DOCK3: variants seen among roughly 807,000 people sequenced by gnomAD.
DOCK3 encodes dedicator of cytokinesis 3.
A neutral mutation model predicts 265.6 loss-of-function variants in DOCK3; 60 were observed. The ratio of observed to expected loss-of-function variants is 0.23; its 90% confidence interval spans 0.18 to 0.28. The LOEUF is 0.28. Among genes scored for constraint, DOCK3 ranks in the 10% least tolerant of loss-of-function variants. The pLI is 1.00. For missense variants in DOCK3, 1,981 were observed against 2,594.3 expected (o/e 0.76, Z 5.14); for synonymous variants, 881 against 938.0 (o/e 0.94, Z 1.11).
intron 1 of DOCK3, among the ~76,000 whole-genome samples, chr3:50,720,863 A>G (rs920905254): frequency 6.6e-6 from 1 of 152,070 alleles, no homozygotes; most frequent in Non-Finnish European, 1.5e-5. Context: ...GCCAGTGTCT[A>G]TTATTTTTTG....
intron 9 of DOCK3, among the ~76,000 whole-genome samples, chr3:51,140,072 T>C (rs909140877): frequency 1.3e-5 from 2 of 152,212 alleles, no homozygotes; most frequent in African/African-American, 4.8e-5. Context: ...AAAAAGTTTG[T>C]TGTTTGTTGG....
At chr3:51,189,974 T>A (rs1417144704) in intron 12 of DOCK3, among the ~76,000 whole-genome samples, 1 of 152,088 alleles carries the variant, frequency 6.6e-6, no homozygotes, top group East Asian at 1.9e-4. Flanking sequence ...TCTGTAGTGG[T>A]GATGAGGGGG....
At chr3:51,105,724 G>A (rs1342814274) in intron 9 of DOCK3, among the ~76,000 whole-genome samples, 3 of 152,134 alleles carry the variant, frequency 2.0e-5, no homozygotes, top group African/African-American at 4.8e-5. Context: ...CTGACATCCC[G>A]ACATTGGGAA....
chr3:51,338,904 GT>G, intron 36 of DOCK3, 30 bp from the exon 37 acceptor site: 1 of 1,553,072 alleles, frequency 6.4e-7, no homozygotes, highest in Non-Finnish European at 8.8e-7. Context: ...TCCACAGGTA[GT>G]TGACAGGTGT....
At chr3:50,688,637 A>G (rs1204431148) in intron 1 of DOCK3, among the ~76,000 whole-genome samples, 1 of 151,978 alleles carries the variant, frequency 6.6e-6, no homozygotes, top group Non-Finnish European at 1.5e-5. Flanking sequence ...TAATTTTTGT[A>G]TTTTTAGTAG....
At chr3:50,946,106 A>AG (rs1300839524) in intron 5 of DOCK3, among the ~76,000 whole-genome samples, 2 of 150,912 alleles carry the variant, frequency 1.3e-5, no homozygotes, top group African/African-American at 4.9e-5. Context: ...AAAAAAAAAA[A>AG]AAAAAAAAAA....
At chr3:51,178,621 A>G (rs60461297) in intron 12 of DOCK3, among the ~76,000 whole-genome samples, 11,136 of 152,220 alleles carry the variant, frequency 0.073, 1,002 homozygotes, top group East Asian at 0.32. Flanking sequence ...TTACTGTTCC[A>G]GAAAGCCCAT....
At chr3:51,334,002 G>A (rs373014071) in intron 35 of DOCK3, among the ~76,000 whole-genome samples, 6 of 151,768 alleles carry the variant, frequency 4.0e-5, no homozygotes, top group South Asian at 2.1e-4. Context: ...CACCATGCCC[G>A]GCTAATTTTT....
At chr3:51,050,268 T>G (rs2080942868) in intron 5 of DOCK3, among the ~76,000 whole-genome samples, 1 of 152,096 alleles carries the variant, frequency 6.6e-6, no homozygotes, top group South Asian at 2.1e-4. Flanking sequence ...ACACCTGTAG[T>G]CCTAGCTACT....
At chr3:50,991,937 A>G (rs951286123) in intron 5 of DOCK3, among the ~76,000 whole-genome samples, 2 of 152,210 alleles carry the variant, frequency 1.3e-5, no homozygotes, top group African/African-American at 2.4e-5. Flanking sequence ...GACTATAAAA[A>G]TCACTCAAAA....
At chr3:51,153,985 TCA>T (rs1310777833) in intron 10 of DOCK3, among the ~76,000 whole-genome samples, 1 of 152,236 alleles carries the variant, frequency 6.6e-6, no homozygotes, top group East Asian at 1.9e-4. Context: ...TTGGATAGTT[TCA>T]CAGTGTCACT....
At chr3:51,068,560 A>AAAAAGAAG (rs529031027) in intron 6 of DOCK3, among the ~76,000 whole-genome samples, 1,371 of 82,344 alleles carry the variant, frequency 0.017, 105 homozygotes, top group East Asian at 0.032. Flanking sequence ...AAAAAAAAAA[A>AAAAAGAAG]AAGAAGAAGA....
chr3:50,964,725 A>C (rs948053316), intron 5 of DOCK3, among the ~76,000 whole-genome samples: 2 of 152,156 alleles, frequency 1.3e-5, no homozygotes, highest in African/African-American at 4.8e-5. Flanking sequence ...TGACTAAAAA[A>C]ATTAGATTTG....
At chr3:50,911,856 TTTAA>T (rs1417455214) in intron 4 of DOCK3, among the ~76,000 whole-genome samples, 1 of 152,144 alleles carries the variant, frequency 6.6e-6, no homozygotes, top group Non-Finnish European at 1.5e-5. Flanking sequence ...TTTATCAGTG[TTTAA>T]TAGTTTTCCT....
chr3:51,033,289 A>G (rs969598508), intron 5 of DOCK3, among the ~76,000 whole-genome samples: 2 of 152,206 alleles, frequency 1.3e-5, no homozygotes, highest in African/African-American at 4.8e-5. Context: ...AAACAATCTC[A>G]TAATAAGCAG....
intron 10 of DOCK3, among the ~76,000 whole-genome samples, chr3:51,149,820 G>T (rs1406041326): frequency 1.3e-5 from 2 of 152,152 alleles, no homozygotes; most frequent in Non-Finnish European, 2.9e-5. Context: ...TTGTGTCTCT[G>T]CCAGGCTTTG....
intron 4 of DOCK3, among the ~76,000 whole-genome samples, chr3:50,919,870 G>T (rs1453013264): frequency 6.6e-6 from 1 of 152,164 alleles, no homozygotes; most frequent in Non-Finnish European, 1.5e-5. Context: ...CATTCAGTAA[G>T]ATATTGGCTG....
At chr3:50,962,093 C>T (rs1002564599) in intron 5 of DOCK3, among the ~76,000 whole-genome samples, 1 of 151,790 alleles carries the variant, frequency 6.6e-6, no homozygotes, top group African/African-American at 2.4e-5. Context: ...TGGTGGTTTG[C>T]TGCACCCATC....
chr3:51,051,228 G>A (rs1304740783), intron 5 of DOCK3, among the ~76,000 whole-genome samples: 1 of 152,148 alleles, frequency 6.6e-6, no homozygotes, highest in African/African-American at 2.4e-5. Context: ...AGGAAGAAAA[G>A]GATACAAATT....
Sources: allele counts gnomAD v4.1 joint callset (sites outside exome capture counted in the v4.1 genomes callset), GRCh38; gene constraint gnomAD v4.1.1; transcripts MANE v1.5; gene names NCBI Gene and HGNC (gene_info 2026-07-23, HGNC 2026-07-21).